PTPRN2: variants seen among roughly 807,000 people sequenced by gnomAD.
The protein encoded by PTPRN2 is protein tyrosine phosphatase receptor type N2, also known as receptor-type tyrosine-protein phosphatase N2.
A neutral mutation model predicts 118.8 loss-of-function variants in PTPRN2; 74 were observed. The observed-to-expected ratio is 0.62, with a 90% CI of 0.52 to 0.76. The LOEUF is 0.76. PTPRN2 is among the 30% of genes least tolerant of loss of function. PTPRN2 has a pLI of 0.00. For synonymous variants in PTPRN2, 641 were observed against 608.0 expected (o/e 1.05, Z -0.80); for missense variants, 1,481 against 1,394.4 (o/e 1.06, Z -0.99).
intron 12 of PTPRN2, among the ~76,000 whole-genome samples, chr7:157,844,333 C>T (rs1312189988): frequency 6.6e-6 from 1 of 152,256 alleles, no homozygotes; most frequent in African/African-American, 2.4e-5. Context: ...GCCCCAGCCC[C>T]ATCCCCAGCC....
chr7:158,095,691 T>C (rs1245242924), intron 10 of PTPRN2, among the ~76,000 whole-genome samples: 4 of 152,172 alleles, frequency 2.6e-5, no homozygotes, highest in Non-Finnish European at 5.9e-5. Flanking sequence ...TGACGCATGA[T>C]TGAGCAATAC....
chr7:157,654,375 G>A (rs117091174), intron 14 of PTPRN2, among the ~76,000 whole-genome samples: 3,340 of 152,012 alleles, frequency 0.022, 54 homozygotes, highest in Middle Eastern at 0.058. Flanking sequence ...TGCTGGCATC[G>A]TGGAGTCAGG....
At chr7:157,594,473 C>T (rs1801170210) in intron 17 of PTPRN2, among the ~76,000 whole-genome samples, 2 of 152,220 alleles carry the variant, frequency 1.3e-5, no homozygotes, top group Admixed American at 6.5e-5. Context: ...GCGACAGGCA[C>T]CTCCCTGCCT....
chr7:157,579,133 A>G (rs7807086), intron 17 of PTPRN2, among the ~76,000 whole-genome samples: 80,650 of 152,010 alleles, frequency 0.53, 21,728 homozygotes, highest in African/African-American at 0.6. Flanking sequence ...TGAATTCCAC[A>G]TTTATATTTT....
chr7:158,138,420 T>C lies in PTPRN2; in HGVS notation c.1006A>G (p.Met336Val). The part of the protein sequence containing the change: ...GLELDGMAEL[M>V]AGLMQGVDHG... Reference sequence around the variant, plus strand: ...TCCACGCCTTGCATCAGGCCAGCCATCAGCTCAGCCATGCCGTCCAGCTCC... The same window carrying C: ...TCCACGCCTTGCATCAGGCCAGCCACCAGCTCAGCCATGCCGTCCAGCTCC... The change falls in exon 7 of 23, where the codon ATG becomes GTG. Residue 336 changes from methionine (M) to valine (V), a missense_variant. By Grantham distance (21) the Met-to-Val change is conservative. This residue lies in a region of PTPRN2 where 1,115 missense variants were observed against 994.2 expected (regional missense o/e 1.12). Transcript: ENST00000389418. 2 of 1,613,588 alleles carry C rather than the reference T, an allele frequency of 1.2e-6. No homozygotes were observed. Among genetic ancestry groups the C allele is most frequent in the Non-Finnish European group, 1.7e-6 (2 of 1,179,918 alleles).
At chr7:158,495,547 AC>A (rs950288510) in intron 1 of PTPRN2, among the ~76,000 whole-genome samples, 32 of 151,792 alleles carry the variant, frequency 2.1e-4, no homozygotes, top group Non-Finnish European at 4.0e-4. Context: ...GGCCATAGCT[AC>A]CCCCCAATCT....
At chr7:158,377,820 C>T (rs1006983795) in intron 2 of PTPRN2, among the ~76,000 whole-genome samples, 22 of 152,286 alleles carry the variant, frequency 1.4e-4, no homozygotes, top group Non-Finnish European at 2.4e-4. Flanking sequence ...CGGCCCTGCA[C>T]GGAGGGTGCT....
intron 9 of PTPRN2, among the ~76,000 whole-genome samples, chr7:158,130,950 C>T (rs1391468874): frequency 1.3e-5 from 2 of 150,828 alleles, no homozygotes; most frequent in African/African-American, 2.5e-5. Context: ...CACAAACTGA[C>T]ACATCTACCC....
chr7:158,501,927 C>G (rs1248330434), intron 1 of PTPRN2, among the ~76,000 whole-genome samples: 1 of 152,204 alleles, frequency 6.6e-6, no homozygotes, highest in African/African-American at 2.4e-5. Flanking sequence ...TCACCATCCT[C>G]CTAGCTCTGC....
chr7:158,358,849 G>A (rs1808597702), intron 2 of PTPRN2, among the ~76,000 whole-genome samples: 1 of 152,244 alleles, frequency 6.6e-6, no homozygotes, highest in Admixed American at 6.5e-5. Flanking sequence ...AAAGTTGGCA[G>A]GTGGATGGTG....
At chr7:157,681,798 A>C (rs1162679099) in intron 13 of PTPRN2, among the ~76,000 whole-genome samples, 1 of 152,218 alleles carries the variant, frequency 6.6e-6, no homozygotes, top group Non-Finnish European at 1.5e-5. Flanking sequence ...ACGACTGTAA[A>C]AATGATGAAT....
Position 158,317,118 on chromosome 7 carries a change from G to A in PTPRN2, c.164-186C>T, listed in dbSNP as rs10264174. Among the ~76,000 whole-genome samples, 1,430 of 152,318 alleles carry A rather than the reference G, an allele frequency of 9.4e-3. 28 individuals are homozygous for A. The highest frequency in any genetic ancestry group is 0.032 in the African/African-American group (1,349 of 41,566). On this transcript the variant is annotated intron_variant, in intron 2 of 22. Transcript: ENST00000389418. Reference sequence around the variant, plus strand: ...GATGCTGGTTTGTGAGATAAAAACCGAGCATCACGGAAAACACAAATGCCA... The same window carrying A: ...GATGCTGGTTTGTGAGATAAAAACCAAGCATCACGGAAAACACAAATGCCA...
intron 12 of PTPRN2, among the ~76,000 whole-genome samples, chr7:157,806,931 GC>G (rs1159073193): frequency 6.6e-6 from 1 of 152,252 alleles, no homozygotes; most frequent in Non-Finnish European, 1.5e-5. Context: ...AAGCTCAGGG[GC>G]TGCCCTGGGC....
chr7:157,650,826 G>A (rs144825358), intron 14 of PTPRN2, among the ~76,000 whole-genome samples: 1 of 152,360 alleles, frequency 6.6e-6, no homozygotes, highest in Non-Finnish European at 1.5e-5. Context: ...CATCTGGCAT[G>A]GTTTCGCGAG....
chr7:158,070,428 TCGTGGTGGTGGAGGTGCC>T (rs1385830143), intron 11 of PTPRN2, among the ~76,000 whole-genome samples: 141 of 118,766 alleles, frequency 1.2e-3, no homozygotes, highest in Middle Eastern at 5.6e-3. Flanking sequence ...GTGGTGGTGC[TCGTGGTGGTGGAGGTGCC>T]CGTGGTGGTG....
At chr7:158,443,205 C>T (rs1817479104) in intron 2 of PTPRN2, among the ~76,000 whole-genome samples, 1 of 152,166 alleles carries the variant, frequency 6.6e-6, no homozygotes. Flanking sequence ...GGAGCGGAGG[C>T]TGCGGAGGAC....
At chr7:158,057,876 A>C (rs1267210484) in intron 11 of PTPRN2, among the ~76,000 whole-genome samples, 3 of 152,318 alleles carry the variant, frequency 2.0e-5, no homozygotes, top group South Asian at 4.1e-4. Flanking sequence ...ACGGGCCGTG[A>C]AGGAGTTAAA....
intron 12 of PTPRN2, among the ~76,000 whole-genome samples, chr7:157,826,687 C>G (rs1454214329): frequency 6.6e-6 from 1 of 152,202 alleles, no homozygotes; most frequent in Non-Finnish European, 1.5e-5. Context: ...CAGGTGAGGG[C>G]CCTGGTAATC....
intron 2 of PTPRN2, among the ~76,000 whole-genome samples, chr7:158,443,629 C>T (rs1490795782): frequency 6.6e-6 from 1 of 152,082 alleles, no homozygotes; most frequent in East Asian, 1.9e-4. Flanking sequence ...GGGGGAGCGG[C>T]GTGGGGCAAA....
Sources: gnomAD v4.1 joint callset for allele counts (sites outside exome capture counted in the v4.1 genomes callset) on GRCh38, gnomAD v4.1.1 for gene constraint, gnomAD v4.1.1 regional missense constraint, MANE v1.5 for transcripts, NCBI Gene and HGNC (gene_info 2026-07-23, HGNC 2026-07-21) for gene names.